The following SNTA1 variants were observed in gnomAD, a reference collection of about 807,000 sequenced individuals.
The protein encoded by SNTA1 is syntrophin alpha 1.
SNTA1 carries 31 observed loss-of-function variants against 47.1 expected under a neutral mutation model. That is an observed-to-expected ratio of 0.66 (90% CI 0.49 to 0.89). The LOEUF (loss-of-function observed/expected upper bound fraction) is 0.89, where lower values mean the gene tolerates loss of function less well. Ranked by LOEUF, SNTA1 falls within the 40% of genes least tolerant of loss-of-function variation. SNTA1 has a pLI of 0.00. For synonymous variants in SNTA1, 300 were observed against 313.6 expected (o/e 0.96, Z 0.46); for missense variants, 575 against 693.0 (o/e 0.83, Z 1.91).
Position 33,408,571 on chromosome 20 carries a change from GT to G in SNTA1, c.1453del (p.Thr485ProfsTer2). On this transcript the variant is annotated frameshift_variant, in exon 8 of 8. Coordinates refer to ENST00000217381, the MANE Select transcript of SNTA1 (RefSeq NM_003098.3). LOFTEE classifies it high-confidence loss of function. ...GAAGGAGTGGATGATGAAGACTATGGTTTTGGGACACGAGTGCAGGTCCAGC... is the reference window on the plus strand; with the variant it reads ...GAAGGAGTGGATGATGAAGACTATGGTTTGGGACACGAGTGCAGGTCCAGC... ...IQLDLHSCPK[T>X]IVFIIHSFLS... The G allele has an allele frequency of 6.2e-7, 1 of 1,614,168 alleles. No individual in the cohort carries two copies. Among genetic ancestry groups the G allele is most frequent in the South Asian group, 1.1e-5 (1 of 91,086 alleles).
intron 2 of SNTA1, among the ~76,000 whole-genome samples, chr20:33,433,390 G>A (rs1408571806): frequency 6.0e-5 from 9 of 150,620 alleles, no homozygotes; most frequent in Non-Finnish European, 8.9e-5. Flanking sequence ...TCAGCCTCCC[G>A]AGTAGCTGGG....
intron 2 of SNTA1, among the ~76,000 whole-genome samples, chr20:33,429,780 C>G (rs925872888): frequency 6.6e-6 from 1 of 151,238 alleles, no homozygotes; most frequent in African/African-American, 2.4e-5. Flanking sequence ...ATTTTTTTTT[C>G]GAGACAGGGT....
At chr20:33,414,272 A>C (rs1476592012) in intron 3 of SNTA1, among the ~76,000 whole-genome samples, 2 of 138,784 alleles carry the variant, frequency 1.4e-5, no homozygotes, top group Non-Finnish European at 3.1e-5. Flanking sequence ...AAAAAAAAAA[A>C]CAGAAAAACA....
At chr20:33,417,301 G>A (rs947863369) in intron 3 of SNTA1, among the ~76,000 whole-genome samples, 4 of 152,096 alleles carry the variant, frequency 2.6e-5, no homozygotes, top group Non-Finnish European at 5.9e-5. Context: ...CTGCTCAGAT[G>A]TGAAGGATGT....
chr20:33,413,538 C>T (rs924546072), intron 3 of SNTA1, among the ~76,000 whole-genome samples: 2 of 152,000 alleles, frequency 1.3e-5, no homozygotes, highest in African/African-American at 4.8e-5. Flanking sequence ...CCCCTTTCTC[C>T]TGGTTTCTAA....
intron 2 of SNTA1, among the ~76,000 whole-genome samples, chr20:33,429,067 C>G (rs548554291): frequency 6.6e-6 from 1 of 151,800 alleles, no homozygotes; most frequent in South Asian, 2.1e-4. Flanking sequence ...TTTTGTAGGC[C>G]AGGCACGGTG....
At position 33,412,321 on chromosome 20, in the gene SNTA1, G is replaced by C. The variant is rs138164106; in HGVS notation, c.1015C>G (p.Arg339Gly). The C allele has an allele frequency of 6.2e-7, 1 of 1,612,078 alleles. No homozygotes were observed. Among genetic ancestry groups the C allele is most frequent in the East Asian group, 2.2e-5 (1 of 44,842 alleles). The change falls in exon 5 of 8, where the codon CGT (arginine) becomes GGT (glycine). Residue 339 changes from arginine (R) to glycine (G), a missense_variant. Transcript: ENST00000217381. The part of the protein sequence containing the change: ...ETREALSRPA[R>G]TAPLIATRLV... ...CTGGTGGCGATGAGTGGGGCAGTAC[G>C]GGCTGGCCGGCTCAGGGCCTCGCGG...
intron 1 of SNTA1, among the ~76,000 whole-genome samples, chr20:33,442,591 G>T (rs1256563898): frequency 6.6e-6 from 1 of 152,162 alleles, no homozygotes; most frequent in South Asian, 2.1e-4. Context: ...ATACAGTTGA[G>T]GAAACAGATT....
intron 2 of SNTA1, among the ~76,000 whole-genome samples, chr20:33,425,796 G>T (rs1990154673): frequency 6.6e-6 from 1 of 152,164 alleles, no homozygotes; most frequent in African/African-American, 2.4e-5. Context: ...GAAGGGCCGG[G>T]CACACTGGCT....
At chr20:33,425,639 G>A (rs1290316185) in intron 2 of SNTA1, among the ~76,000 whole-genome samples, 1 of 152,110 alleles carries the variant, frequency 6.6e-6, no homozygotes. Context: ...TCCAGCCTGG[G>A]CCACACAGTG....
chr20:33,413,662 T>G (rs1600840729), intron 3 of SNTA1, among the ~76,000 whole-genome samples: 1 of 147,132 alleles, frequency 6.8e-6, no homozygotes. Flanking sequence ...ACATGGTGGC[T>G]CACGCCTGTA....
chr20:33,433,246 T>C (rs1342773277), intron 2 of SNTA1, among the ~76,000 whole-genome samples: 5 of 149,626 alleles, frequency 3.3e-5, no homozygotes, highest in Non-Finnish European at 7.4e-5. Flanking sequence ...TTATTTTTTG[T>C]TTTTTGTCGG....
At chr20:33,422,438 CAA>C (rs57774332) in intron 2 of SNTA1, among the ~76,000 whole-genome samples, 10 of 131,314 alleles carry the variant, frequency 7.6e-5, no homozygotes, top group African/African-American at 1.1e-4. Flanking sequence ...GACTCTGTCT[CAA>C]AAAAAAAAAA....
chr20:33,413,789 T>A (rs1600840892), intron 3 of SNTA1, among the ~76,000 whole-genome samples: 1 of 151,852 alleles, frequency 6.6e-6, no homozygotes, highest in Non-Finnish European at 1.5e-5. Context: ...ATTTTTTTTT[T>A]AATTAGCCAG....
intron 1 of SNTA1, among the ~76,000 whole-genome samples, chr20:33,440,220 C>T (rs534575163): frequency 6.6e-6 from 1 of 152,164 alleles, no homozygotes; most frequent in South Asian, 2.1e-4. Context: ...CTTTGGGAGG[C>T]CAAGATGGGC....
chr20:33,431,312 T>C (rs1053861306), intron 2 of SNTA1, among the ~76,000 whole-genome samples: 6 of 152,156 alleles, frequency 3.9e-5, no homozygotes, highest in Admixed American at 1.3e-4. Context: ...TTTTGGCATC[T>C]GAAAGACTTG....
chr20:33,417,664 A>T (rs1170246445), intron 3 of SNTA1, 55 bp downstream of exon 3: 2 of 1,311,834 alleles, frequency 1.5e-6, no homozygotes, highest in Non-Finnish European at 1.1e-6. Flanking sequence ...CATTGGTCCC[A>T]CCACCTGACG....
intron 1 of SNTA1, 143 bp downstream of exon 1, chr20:33,443,168 C>T (rs1990620981): frequency 3.8e-6 from 2 of 521,536 alleles, no homozygotes; most frequent in Non-Finnish European, 6.2e-6. Flanking sequence ...GTGCCCAGTG[C>T]CCTCCGTTAC....
In SNTA1 at chr20:33,408,681, A is replaced by G. The variant is rs758307977; in HGVS notation, c.1425+20T>C. ...GCACACCCCCTCCTCCCCAGGGTGC[A>G]GAGGCAGCCCCTCACTCACGATCTC... On this transcript the variant is annotated intron_variant, in intron 7 of 7. Coordinates refer to ENST00000217381, the MANE Select transcript of SNTA1 (RefSeq NM_003098.3). 6.2e-7 allele frequency: 1 copy of G among 1,612,842 alleles called. No homozygotes were observed. Among genetic ancestry groups the G allele is most frequent in the Non-Finnish European group, 8.5e-7 (1 of 1,178,830 alleles).
Sources: gnomAD v4.1 joint callset for allele counts (sites outside exome capture counted in the v4.1 genomes callset) on GRCh38, gnomAD v4.1.1 for gene constraint, MANE v1.5 for transcripts, NCBI Gene and HGNC (gene_info 2026-07-23, HGNC 2026-07-21) for gene names.